The following PHF24 variants were observed in gnomAD, a reference collection of about 807,000 sequenced individuals.
PHF24 encodes the protein PHD finger protein 24.
PHF24 carries 25 observed loss-of-function variants against 42.6 expected under a neutral mutation model. The observed-to-expected ratio is 0.59, with a 90% confidence interval of 0.43 to 0.82. The LOEUF is 0.82. Ranked by LOEUF, PHF24 falls within the 40% of genes least tolerant of loss-of-function variation. PHF24 has a pLI of 0.00. For synonymous variants in PHF24, 185 were observed against 204.8 expected (o/e 0.90, Z 0.83); for missense variants, 470 against 538.1 (o/e 0.87, Z 1.25).
chr9:34,776,937 G>T, the PHF24 span, among the ~76,000 whole-genome samples: 1 of 152,214 alleles, frequency 6.6e-6, no homozygotes, highest in African/African-American at 2.4e-5. Context: ...GCTTGATTCT[G>T]GGTGCATGCA....
the PHF24 span, among the ~76,000 whole-genome samples, chr9:34,670,900 C>T: frequency 6.6e-6 from 1 of 152,178 alleles, no homozygotes; most frequent in Admixed American, 6.5e-5. Flanking sequence ...AGAAGGTCCT[C>T]TCCCAGATTC....
the PHF24 span, among the ~76,000 whole-genome samples, chr9:34,669,570 C>A: frequency 6.6e-6 from 1 of 151,006 alleles, no homozygotes; most frequent in African/African-American, 2.4e-5. Flanking sequence ...GGAGAGCAAG[C>A]AGGAGAGGGA....
the PHF24 span, among the ~76,000 whole-genome samples, chr9:34,777,944 C>T: frequency 6.6e-6 from 1 of 152,232 alleles, no homozygotes; most frequent in Non-Finnish European, 1.5e-5. Flanking sequence ...GCTAGGATTG[C>T]AGAAGTCTGT....
the PHF24 span, chr9:34,832,688 G>T: frequency 6.5e-7 from 1 of 1,542,836 alleles, no homozygotes. Flanking sequence ...ACTCTGTAAG[G>T]CTGGGCTTCT....
At chr9:34,916,967 A>G in the PHF24 span, among the ~76,000 whole-genome samples, 2 of 152,338 alleles carry the variant, frequency 1.3e-5, no homozygotes, top group African/African-American at 4.8e-5. Context: ...AAATTTTTGA[A>G]TGTCACTGAA....
chr9:34,749,616 T>TC, the PHF24 span, among the ~76,000 whole-genome samples: 1 of 151,414 alleles, frequency 6.6e-6, no homozygotes, highest in Non-Finnish European at 1.5e-5. Flanking sequence ...TTTTTTTTTT[T>TC]TAATTTTACT....
the PHF24 span, among the ~76,000 whole-genome samples, chr9:34,842,528 A>G: frequency 1.3e-5 from 2 of 152,192 alleles, no homozygotes; most frequent in Non-Finnish European, 2.9e-5. Flanking sequence ...TAATGACTTT[A>G]TAAATAAGAT....
the PHF24 span, among the ~76,000 whole-genome samples, chr9:34,938,303 C>T: frequency 6.6e-6 from 1 of 152,192 alleles, no homozygotes; most frequent in Non-Finnish European, 1.5e-5. Context: ...TTTCTCCTTC[C>T]CTTGTTACCT....
At chr9:34,702,459 C>A in the PHF24 span, among the ~76,000 whole-genome samples, 1 of 152,180 alleles carries the variant, frequency 6.6e-6, no homozygotes, top group African/African-American at 2.4e-5. Flanking sequence ...ATTACCACAA[C>A]CCATGATTCT....
the PHF24 span, chr9:34,922,759 G>A: frequency 5.7e-6 from 9 of 1,591,460 alleles, no homozygotes; most frequent in East Asian, 2.2e-5. Flanking sequence ...GATGACCTAC[G>A]GGCTCCTACA....
the PHF24 span, among the ~76,000 whole-genome samples, chr9:34,785,605 T>C: frequency 6.6e-6 from 1 of 152,156 alleles, no homozygotes. Flanking sequence ...TGGTAATTTG[T>C]TTCAATAGGT....
chr9:34,806,005 C>T, the PHF24 span, among the ~76,000 whole-genome samples: 2 of 152,222 alleles, frequency 1.3e-5, no homozygotes, highest in Admixed American at 1.3e-4. Flanking sequence ...TCTTGGTAGC[C>T]TTGTTGAAAC....
At chr9:34,723,000 C>T in the PHF24 span, 4 of 559,642 alleles carry the variant, frequency 7.1e-6, no homozygotes, top group African/African-American at 3.7e-5. Flanking sequence ...TAGCCTCCCT[C>T]ACACCTTCCC....
the PHF24 span, among the ~76,000 whole-genome samples, chr9:34,888,702 A>T: frequency 6.6e-6 from 1 of 152,236 alleles, no homozygotes; most frequent in Non-Finnish European, 1.5e-5. Context: ...TTGTCAGCAT[A>T]TACTGTATAG....
the PHF24 span, among the ~76,000 whole-genome samples, chr9:34,884,460 C>T: frequency 2.6e-5 from 4 of 152,154 alleles, no homozygotes; most frequent in Admixed American, 1.3e-4. Flanking sequence ...ACATTATTAA[C>T]GTCTTTCCAG....
intron 3 of PHF24, among the ~76,000 whole-genome samples, chr9:34,973,424 A>G (rs751197727): frequency 3.3e-5 from 5 of 152,246 alleles, no homozygotes; most frequent in Non-Finnish European, 7.3e-5. Flanking sequence ...CGCAAATTAT[A>G]TATAAATGCC....
chr9:34,708,991 A>G, the PHF24 span: 15 of 213,076 alleles, frequency 7.0e-5, no homozygotes, highest in African/African-American at 2.6e-4. Flanking sequence ...ACATAAACAC[A>G]TGGGAACAGG....
chr9:34,959,842 G>A lies in PHF24; in HGVS notation c.-5+1441G>A, dbSNP rs1826527931. 2.6e-5 allele frequency among the ~76,000 whole-genome samples: 4 copies of A among 152,264 alleles called. No individual in the cohort carries two copies. In the South Asian group the frequency reaches 8.3e-4, roughly 32 times the overall value. On this transcript the variant is annotated intron_variant, in intron 1 of 7. Transcript: ENST00000242315. ...CCACCCTACCTGCTACCGAATACTC[G>A]AAGGAGAGAAAGGAGAGACAGGATC... is the stretch of plus-strand genomic sequence containing the variant.
the PHF24 span, among the ~76,000 whole-genome samples, chr9:34,926,976 C>A: frequency 6.6e-6 from 1 of 151,794 alleles, no homozygotes; most frequent in Admixed American, 6.6e-5. This position sits in a 1 kb window ranked among gnomAD's most constrained non-coding sequence, Gnocchi z 4.3. Flanking sequence ...GGCCATTAGG[C>A]AGGCCAGGGG....
Sources: allele counts gnomAD v4.1 joint callset (sites outside exome capture counted in the v4.1 genomes callset), GRCh38; gene constraint gnomAD v4.1.1; non-coding constraint Gnocchi (gnomAD v3.1); transcripts MANE v1.5; gene names NCBI Gene and HGNC (gene_info 2026-07-23, HGNC 2026-07-21).